MYH15: variants seen among roughly 807,000 people sequenced by gnomAD.
The protein encoded by MYH15 is myosin heavy chain 15.
In MYH15, 227 loss-of-function variants were observed where a neutral mutation model predicts 240.5. The observed-to-expected ratio is 0.94, with a 90% CI of 0.85 to 1.05. MYH15 has a LOEUF of 1.05. MYH15 is among the 50% of genes least tolerant of loss of function. The probability of loss-of-function intolerance (pLI) is 0.00; values close to 1 mark genes in which losing one functional copy is unlikely to be tolerated. For synonymous variants in MYH15, 785 were observed against 796.7 expected (o/e 0.99, Z 0.25); for missense variants, 2,217 against 2,247.5 (o/e 0.99, Z 0.27).
At chr3:108,512,424 A>C (rs2083528500), upstream of MYH15, among the ~76,000 whole-genome samples, 1 of 152,138 alleles carries the variant, frequency 6.6e-6, no homozygotes, top group Admixed American at 6.6e-5. Context: ...ACAAGTTGTG[A>C]GTCTGGATTT....
intron 9 of MYH15, among the ~76,000 whole-genome samples, chr3:108,488,918 C>T (rs1381813302): frequency 2.0e-5 from 3 of 152,146 alleles, no homozygotes; most frequent in African/African-American, 4.8e-5. Context: ...AAAAGGGTTG[C>T]CTTTTCTTCA....
chr3:108,446,035 C>A (rs1358510832), intron 21 of MYH15, among the ~76,000 whole-genome samples: 1 of 152,066 alleles, frequency 6.6e-6, no homozygotes, highest in Non-Finnish European at 1.5e-5. Context: ...TGCCCCAGTG[C>A]CAGTCCAGAC....
chr3:108,434,243 T>C (rs962709534), intron 25 of MYH15, among the ~76,000 whole-genome samples: 1 of 147,156 alleles, frequency 6.8e-6, no homozygotes, highest in African/African-American at 2.5e-5. Context: ...AGTGCAATGG[T>C]GTGATCTCAG....
chr3:108,521,406 A>G (rs1339079218), intron 1 of MYH15, among the ~76,000 whole-genome samples: 1 of 152,150 alleles, frequency 6.6e-6, no homozygotes, highest in Admixed American at 6.6e-5. Context: ...TTAAAAAAAA[A>G]AAAGGAAACT....
chr3:108,439,984 C>A, intron 23 of MYH15, 71 bp from the exon 24 acceptor site: 1 of 1,359,496 alleles, frequency 7.4e-7, no homozygotes. Context: ...AGGGTCATTT[C>A]TCTTCTGTCG....
At chr3:108,494,570 T>G (rs2083377391) in intron 7 of MYH15, among the ~76,000 whole-genome samples, 1 of 152,144 alleles carries the variant, frequency 6.6e-6, no homozygotes. Flanking sequence ...CATAGCTCAT[T>G]GCAGCCTCAA....
At chr3:108,457,069 G>C (rs978184718) in intron 18 of MYH15, among the ~76,000 whole-genome samples, 186 bp from the exon 19 acceptor site, 2 of 152,154 alleles carry the variant, frequency 1.3e-5, no homozygotes, top group African/African-American at 4.8e-5. Context: ...TATTATGTAG[G>C]CATCTCCAAA....
intron 29 of MYH15, 22 bp downstream of exon 29, chr3:108,416,790 T>G: frequency 4.7e-5 from 73 of 1,548,088 alleles, no homozygotes; most frequent in Non-Finnish European, 6.0e-5. Flanking sequence ...AAGAAACTAG[T>G]GAGAAATAAT....
intron 21 of MYH15, among the ~76,000 whole-genome samples, chr3:108,451,329 G>A (rs372326907): frequency 1.1e-4 from 17 of 152,000 alleles, no homozygotes; most frequent in Non-Finnish European, 1.8e-4. Context: ...GCAGTGACCC[G>A]ATATCATGCC....
intron 38 of MYH15, among the ~76,000 whole-genome samples, 200 bp from the exon 39 acceptor site, chr3:108,384,982 G>A (rs2082370790): frequency 6.6e-6 from 1 of 152,144 alleles, no homozygotes; most frequent in African/African-American, 2.4e-5. Context: ...CATTTGTCCT[G>A]ATCCATCAAC....
intron 6 of MYH15, among the ~76,000 whole-genome samples, chr3:108,496,308 T>C (rs1044281684): frequency 2.0e-5 from 3 of 152,242 alleles, no homozygotes; most frequent in Non-Finnish European, 4.4e-5. Context: ...TATTAAACTA[T>C]ACTTTTGCTT....
At chr3:108,383,452 G>T in intron 40 of MYH15, 143 bp downstream of exon 40, 2 of 838,476 alleles carry the variant, frequency 2.4e-6, no homozygotes, top group Non-Finnish European at 3.5e-6. Context: ...AACATGGGAA[G>T]ATTTTATTGG....
chr3:108,520,580 A>C (rs953125517), intron 1 of MYH15, among the ~76,000 whole-genome samples: 32 of 152,306 alleles, frequency 2.1e-4, no homozygotes, highest in African/African-American at 7.5e-4. Flanking sequence ...CAAGGGTATG[A>C]GATGTCAGAA....
chr3:108,541,719 ATGT>A, the MYH15 span, among the ~76,000 whole-genome samples: 1 of 152,126 alleles, frequency 6.6e-6, no homozygotes, highest in Non-Finnish European at 1.5e-5. Context: ...AATAACTGCA[ATGT>A]CTTCATTATA....
At chr3:108,494,383 TTTTC>T (rs1301300128) in intron 7 of MYH15, among the ~76,000 whole-genome samples, 3 of 151,914 alleles carry the variant, frequency 2.0e-5, no homozygotes, top group Non-Finnish European at 4.4e-5. Context: ...TTGAACTCCT[TTTTC>T]TTTCTCTCTT....
At chr3:108,407,261 T>G (rs1386921129) in intron 32 of MYH15, among the ~76,000 whole-genome samples, 1 of 152,204 alleles carries the variant, frequency 6.6e-6, no homozygotes, top group Non-Finnish European at 1.5e-5. Flanking sequence ...GAGTGGTCCT[T>G]TGGGGTCTTG....
the MYH15 span, among the ~76,000 whole-genome samples, chr3:108,534,870 C>G: frequency 2.0e-5 from 3 of 151,928 alleles, no homozygotes; most frequent in African/African-American, 7.3e-5. Context: ...GAGAGTGAAA[C>G]ATTGTCTCTT....
At chr3:108,451,168 C>T (rs1458514631) in intron 21 of MYH15, among the ~76,000 whole-genome samples, 11 of 152,018 alleles carry the variant, frequency 7.2e-5, no homozygotes, top group Admixed American at 7.2e-4. Flanking sequence ...TCACGTGAGG[C>T]CAAGAGTTTG....
the MYH15 span, chr3:108,550,224 A>C: frequency 6.6e-6 from 1 of 151,658 alleles, no homozygotes; most frequent in Non-Finnish European, 1.5e-5. Context: ...TTTTAAAAAA[A>C]ATAAAGATAT....
Sources: allele counts gnomAD v4.1 joint callset (sites outside exome capture counted in the v4.1 genomes callset), GRCh38; gene constraint gnomAD v4.1.1; transcripts MANE v1.5; gene names NCBI Gene and HGNC (gene_info 2026-07-23, HGNC 2026-07-21).